Variants in SLC24A2 observed in about 807,000 individuals in gnomAD.
The protein encoded by SLC24A2 is sodium/potassium/calcium exchanger 2.
A neutral mutation model predicts 62.0 loss-of-function variants in SLC24A2; 36 were observed. That is an observed-to-expected ratio of 0.58 (90% confidence interval 0.44 to 0.77). The LOEUF (loss-of-function observed/expected upper bound fraction) is 0.77. SLC24A2 is among the 30% of genes least tolerant of loss of function. The pLI is 0.00. For missense variants in SLC24A2, 846 were observed against 817.9 expected (o/e 1.03, Z -0.42); for synonymous variants, 358 against 294.0 (o/e 1.22, Z -2.23).
At chr9:20,067,215 A>G in the SLC24A2 span, among the ~76,000 whole-genome samples, 15 of 152,136 alleles carry the variant, frequency 9.9e-5, no homozygotes, top group African/African-American at 3.6e-4. Context: ...TTAAACTTCC[A>G]AAAAAGGGTT....
intron 1 of SLC24A2, 132 bp from the exon 2 acceptor site, chr9:19,787,151 C>T (rs1422883313): frequency 3.3e-6 from 1 of 301,708 alleles, no homozygotes; most frequent in Admixed American, 6.5e-5. Flanking sequence ...TTCTCTGTGC[C>T]TCAGTTTCCT....
chr9:20,090,652 C>G, the SLC24A2 span, among the ~76,000 whole-genome samples: 2 of 151,846 alleles, frequency 1.3e-5, no homozygotes, highest in Non-Finnish European at 2.9e-5. Flanking sequence ...GCTACAAAGA[C>G]CCTGCACAAA....
At chr9:20,080,408 A>G in the SLC24A2 span, among the ~76,000 whole-genome samples, 1 of 152,232 alleles carries the variant, frequency 6.6e-6, no homozygotes. Context: ...TGGTGCTGGG[A>G]AAACTGGCTA....
chr9:20,076,460 G>T, the SLC24A2 span, among the ~76,000 whole-genome samples: 1 of 152,112 alleles, frequency 6.6e-6, no homozygotes, highest in African/African-American at 2.4e-5. Context: ...GGCAGGGATG[G>T]AAGGAGGCCA....
chr9:20,072,588 G>C, the SLC24A2 span, among the ~76,000 whole-genome samples: 18 of 151,832 alleles, frequency 1.2e-4, no homozygotes, highest in African/African-American at 4.4e-4. Context: ...AGACTTTGCA[G>C]ATATGATTAA....
the SLC24A2 span, among the ~76,000 whole-genome samples, chr9:19,935,948 T>G: frequency 1.3e-5 from 2 of 152,240 alleles, no homozygotes; most frequent in African/African-American, 4.8e-5. Context: ...GAAGATTTAA[T>G]AAGTGCCTTA....
At chr9:19,876,042 C>T in the SLC24A2 span, among the ~76,000 whole-genome samples, 5 of 152,142 alleles carry the variant, frequency 3.3e-5, no homozygotes, top group Admixed American at 6.5e-5. Context: ...ATCTAATATA[C>T]TTGCAGCATG....
At chr9:20,259,406 A>T in the SLC24A2 span, among the ~76,000 whole-genome samples, 1 of 152,198 alleles carries the variant, frequency 6.6e-6, no homozygotes, top group Non-Finnish European at 1.5e-5. Flanking sequence ...CTTTTTAATC[A>T]TACTGCTGTG....
the SLC24A2 span, among the ~76,000 whole-genome samples, chr9:20,202,432 A>G: frequency 1.3e-5 from 2 of 152,180 alleles, no homozygotes; most frequent in Non-Finnish European, 2.9e-5. Context: ...CATTTTCGAC[A>G]GGCGCATTTG....
chr9:19,844,305 G>T, the SLC24A2 span, among the ~76,000 whole-genome samples: 2 of 152,112 alleles, frequency 1.3e-5, no homozygotes, highest in Admixed American at 6.6e-5. Context: ...TTTGTTGGCT[G>T]CTTGGATGTC....
chr9:20,057,611 G>A, the SLC24A2 span, among the ~76,000 whole-genome samples: 8 of 152,172 alleles, frequency 5.3e-5, no homozygotes. Context: ...CAAGCCGTTG[G>A]ATGGAGTACT....
At chr9:19,740,032 T>C (rs117263243) in intron 2 of SLC24A2, among the ~76,000 whole-genome samples, 2,361 of 152,080 alleles carry the variant, frequency 0.016, 34 homozygotes, top group Middle Eastern at 0.034. Context: ...CAACTCAAAG[T>C]GACAATGGGG....
chr9:19,681,234 CT>C (rs1427906630), intron 2 of SLC24A2, among the ~76,000 whole-genome samples: 1 of 152,092 alleles, frequency 6.6e-6, no homozygotes, highest in East Asian at 1.9e-4. Context: ...CTCTGCAATG[CT>C]GTTTACACTA....
the SLC24A2 span, among the ~76,000 whole-genome samples, chr9:20,303,897 T>C: frequency 2.0e-5 from 3 of 152,152 alleles, no homozygotes; most frequent in Admixed American, 1.3e-4. Flanking sequence ...GTGGGTGCTG[T>C]GCATCTTATG....
intron 2 of SLC24A2, among the ~76,000 whole-genome samples, chr9:19,654,006 G>A (rs1440540062): frequency 7.2e-5 from 11 of 152,204 alleles, no homozygotes; most frequent in Non-Finnish European, 1.0e-4. Flanking sequence ...TGTCAAGGTC[G>A]TGTAACCACC....
chr9:19,983,361 G>C, the SLC24A2 span, among the ~76,000 whole-genome samples: 1 of 152,126 alleles, frequency 6.6e-6, no homozygotes, highest in African/African-American at 2.4e-5. Flanking sequence ...AAACTCAGCT[G>C]TGGCTGGGCA....
the SLC24A2 span, among the ~76,000 whole-genome samples, chr9:20,139,238 G>T: frequency 2.9e-3 from 442 of 152,276 alleles, 1 homozygote; most frequent in African/African-American, 0.01. Context: ...GTGATTAAAT[G>T]CAGGGCCTCT....
At chr9:20,243,246 G>A in the SLC24A2 span, among the ~76,000 whole-genome samples, 1 of 151,916 alleles carries the variant, frequency 6.6e-6, no homozygotes, top group East Asian at 1.9e-4. Flanking sequence ...TCCCTTCATG[G>A]TTGGCATCTG....
At chr9:19,756,124 A>G (rs950138616) in intron 2 of SLC24A2, among the ~76,000 whole-genome samples, 2 of 152,182 alleles carry the variant, frequency 1.3e-5, no homozygotes, top group Non-Finnish European at 2.9e-5. Flanking sequence ...GTGTCCAGCA[A>G]TAACCTTCAA....
Sources: allele counts gnomAD v4.1 joint callset (sites outside exome capture counted in the v4.1 genomes callset), GRCh38; gene constraint gnomAD v4.1.1; transcripts MANE v1.5; gene names NCBI Gene and HGNC (gene_info 2026-07-23, HGNC 2026-07-21).